The following DOCK11 variants were observed in gnomAD, a reference collection of about 807,000 sequenced individuals.
DOCK11 encodes dedicator of cytokinesis 11, also known as dedicator of cytokinesis protein 11.
In DOCK11, 70 loss-of-function variants were observed where a neutral mutation model predicts 169.1. That is an observed-to-expected ratio of 0.41 (90% CI 0.34 to 0.51). The LOEUF is 0.51. Ranked by LOEUF, DOCK11 falls within the 20% of genes least tolerant of loss-of-function variation. The pLI is 0.10. For synonymous variants in DOCK11, 529 were observed against 541.3 expected (o/e 0.98, Z 0.32); for missense variants, 1,166 against 1,538.8 (o/e 0.76, Z 4.05).
chrX:118,679,289 GA>G (rs1282876797), intron 48 of DOCK11, among the ~76,000 whole-genome samples: 1 of 110,408 alleles, frequency 9.1e-6, no homozygotes, highest in Non-Finnish European at 1.9e-5. Flanking sequence ...GAAAAAATCA[GA>G]AAAAAAATGC....
chrX:118,628,289 A>G lies in DOCK11; in HGVS notation c.3774+17A>G, dbSNP rs770904105. 11 of 1,096,233 alleles carry G rather than the reference A, an allele frequency of 1.0e-5. No homozygotes were observed. The East Asian group carries it at 3.0e-4, about 30-fold the overall frequency. The allele number at this position is 1,096,233 out of a possible 1,213,427, so 90.3% of individuals were successfully genotyped here. A position where few individuals can be genotyped will look rare whatever the true frequency, so the allele number is the denominator to read the frequency against. On this transcript the variant is annotated intron_variant, in intron 34 of 52. Transcript: ENST00000276202. ...GGTGAAAATGTAAGAACTTAAATAT[A>G]TAGGATGACCCTAGTGACACATTAG...
chrX:118,631,249 A>G (rs2015234257), intron 35 of DOCK11, among the ~76,000 whole-genome samples: 1 of 111,205 alleles, frequency 9.0e-6, no homozygotes, highest in Non-Finnish European at 1.9e-5. Flanking sequence ...TCTTTTACTC[A>G]TTTTCTATTT....
chrX:118,609,694 G>C (rs748969425), intron 27 of DOCK11, among the ~76,000 whole-genome samples: 1 of 112,129 alleles, frequency 8.9e-6, no homozygotes, highest in Non-Finnish European at 1.9e-5. Context: ...CTCTCGAGAA[G>C]ACCCATTTGG....
At position 118,590,261 on chromosome X, in the gene DOCK11, G is replaced by C; in HGVS notation, c.2098G>C (p.Val700Leu). ...GSVFTTNAYA[V>L]VSHHNQNPEF... ...TGTTTTTACCACAAATGCTTATGCTGTTGTCTCGCATCACAACCAAAATCC... is the reference window on the plus strand; with the variant it reads ...TGTTTTTACCACAAATGCTTATGCTCTTGTCTCGCATCACAACCAAAATCC... The change falls in exon 19 of 53, where the codon GTT (valine) becomes CTT (leucine). Residue 700 changes from valine to leucine, a missense_variant. By Grantham distance (32) the Val-to-Leu change is conservative. Coordinates refer to ENST00000276202, the MANE Select transcript of DOCK11 (RefSeq NM_144658.4). The C allele has an allele frequency of 8.3e-7, 1 of 1,210,862 alleles. No homozygotes were observed. The highest frequency in any genetic ancestry group is 1.1e-6 in the Non-Finnish European group (1 of 894,775).
At chrX:118,613,211 A>G (rs973207532) in intron 28 of DOCK11, among the ~76,000 whole-genome samples, 5 of 111,969 alleles carry the variant, frequency 4.5e-5, no homozygotes, top group African/African-American at 1.6e-4. Context: ...AATGTAGTAC[A>G]TTGTCTCAAA....
chrX:118,549,504 A>G (rs934596349), intron 6 of DOCK11, among the ~76,000 whole-genome samples: 1 of 111,102 alleles, frequency 9.0e-6, no homozygotes, highest in Non-Finnish European at 1.9e-5. Flanking sequence ...AGAGGAATAA[A>G]CCAAGTTAAT....
intron 6 of DOCK11, among the ~76,000 whole-genome samples, chrX:118,553,044 G>C (rs1405869852): frequency 8.9e-6 from 1 of 111,848 alleles, no homozygotes; most frequent in Non-Finnish European, 1.9e-5. Context: ...GTGGTTTCTA[G>C]TTAATGAGGA....
chrX:118,504,137 C>T (rs1032555011), intron 1 of DOCK11, among the ~76,000 whole-genome samples: 3 of 110,968 alleles, frequency 2.7e-5, no homozygotes, highest in Non-Finnish European at 5.7e-5. Flanking sequence ...ACCCCATCTC[C>T]GACCCCCACC....
chrX:118,563,851 G>T lies in DOCK11; in HGVS notation c.694-2154G>T, dbSNP rs1470321705. 1.8e-5 allele frequency among the ~76,000 whole-genome samples: 2 copies of T among 109,446 alleles called. 1 individual carries two copies. Among genetic ancestry groups the T allele is most frequent in the South Asian group, 7.8e-4 (2 of 2,574 alleles). On this transcript the variant is annotated intron_variant, in intron 7 of 52. Coordinates refer to ENST00000276202, the MANE Select transcript of DOCK11 (RefSeq NM_144658.4). ...AGAGTAGCTGGGATTAGAGGCACCC[G>T]CCACCATGCCTGGCTAATTTTTGTA...
intron 1 of DOCK11, 38 bp from the exon 2 acceptor site, chrX:118,542,687 G>C: frequency 1.0e-6 from 1 of 1,004,872 alleles, no homozygotes; most frequent in Non-Finnish European, 1.4e-6. Flanking sequence ...ACTCTTGTGA[G>C]TTTGATCATA....
intron 16 of DOCK11, among the ~76,000 whole-genome samples, chrX:118,586,452 C>T (rs1245519504): frequency 9.0e-6 from 1 of 110,966 alleles, no homozygotes; most frequent in Non-Finnish European, 1.9e-5. Flanking sequence ...CATCAGATCT[C>T]ATGAGAACTC....
intron 36 of DOCK11, among the ~76,000 whole-genome samples, chrX:118,636,832 C>T (rs1409271254): frequency 2.9e-5 from 3 of 103,608 alleles, no homozygotes; most frequent in Non-Finnish European, 6.1e-5. Flanking sequence ...TGTGTGTACA[C>T]ACACACACAC....
intron 1 of DOCK11, among the ~76,000 whole-genome samples, chrX:118,507,556 G>A (rs909263971): frequency 1.1e-3 from 124 of 111,330 alleles, no homozygotes; most frequent in African/African-American, 3.9e-3. Context: ...CACCATGTTG[G>A]CCATGCTGGT....
At chrX:118,512,875 G>A (rs924061881) in intron 1 of DOCK11, among the ~76,000 whole-genome samples, 2 of 112,060 alleles carry the variant, frequency 1.8e-5, no homozygotes, top group Non-Finnish European at 3.8e-5. Flanking sequence ...GAGCCCTTGT[G>A]ACCTTCTCTG....
chrX:118,629,658 T>C, intron 34 of DOCK11, among the ~76,000 whole-genome samples: 1 of 110,091 alleles, frequency 9.1e-6, no homozygotes, highest in East Asian at 2.8e-4. Context: ...AATTTATTTA[T>C]AGTTTTTAGA....
Position 118,681,773 on chromosome X carries a change from G to A in DOCK11, c.5942G>A (p.Ser1981Asn), listed in dbSNP as rs202046968. The A allele has an allele frequency of 4.2e-6, 5 of 1,202,534 alleles. No homozygotes were observed. In the East Asian group the frequency reaches 8.9e-5, roughly 22 times the overall value. ...AGCAAGTATCCACCTAAGAAAGTGA[G>A]TGAGTTGAAAGACATGTTTAGGTAA... ...QASKYPPKKVSELKDMFRKFI... is the reference protein window; with the variant it reads ...QASKYPPKKVNELKDMFRKFI... Residue 1981 changes from serine to asparagine, a missense_variant, in exon 51 of 53, where the codon AGT (serine) becomes AAT (asparagine). Ser to Asn is a conservative substitution (Grantham distance 46). Transcript: ENST00000276202.
At chrX:118,580,343 T>A (rs1389992802) in intron 14 of DOCK11, among the ~76,000 whole-genome samples, 164 bp downstream of exon 14, 1 of 111,669 alleles carries the variant, frequency 9.0e-6, no homozygotes, top group African/African-American at 3.3e-5. Context: ...TGAGACGGAG[T>A]TTCGCTCTTG....
At chrX:118,628,039 A>G (rs2015149642) in intron 33 of DOCK11, 124 bp from the exon 34 acceptor site, 2 of 421,956 alleles carry the variant, frequency 4.7e-6, no homozygotes, top group African/African-American at 5.0e-5. Context: ...TAAACTTCAC[A>G]TTTTAGATGT....
intron 11 of DOCK11, among the ~76,000 whole-genome samples, chrX:118,572,685 A>C (rs921635718): frequency 1.8e-5 from 2 of 112,136 alleles, no homozygotes; most frequent in African/African-American, 6.5e-5. Flanking sequence ...AGAACTATTA[A>C]TAATTGACTG....
Sources: allele counts gnomAD v4.1 joint callset (sites outside exome capture counted in the v4.1 genomes callset), GRCh38; gene constraint gnomAD v4.1.1; transcripts MANE v1.5; gene names NCBI Gene and HGNC (gene_info 2026-07-23, HGNC 2026-07-21).